Variants in MARCHF10 observed in about 807,000 individuals in gnomAD.
MARCHF10 encodes the protein membrane associated ring-CH-type finger 10.
In MARCHF10, 64 loss-of-function variants were observed where a neutral mutation model predicts 76.2. The observed-to-expected ratio is 0.84, with a 90% confidence interval of 0.69 to 1.03. The LOEUF is 1.03. Ranked by LOEUF, MARCHF10 falls within the 50% of genes least tolerant of loss-of-function variation. MARCHF10 has a pLI of 0.00. For synonymous variants in MARCHF10, 340 were observed against 357.5 expected (o/e 0.95, Z 0.55); for missense variants, 875 against 958.0 (o/e 0.91, Z 1.14).
At position 62,738,060 on chromosome 17, in the gene MARCHF10, T is replaced by TCTCACACACACACACA. The variant is rs371710783; in HGVS notation, c.536-729_536-728insTGTGTGTGTGTGTGAG. ...AACTGTCTCTCTCTGTCTCTCTCTG[T>TCTCACACACACACACA]CACACACACACACACACACACACAC... On this transcript the variant is annotated intron_variant, in intron 5 of 10. Coordinates refer to ENST00000311269, the MANE Select transcript of MARCHF10 (RefSeq NM_152598.4). The surrounding 1 kb of genome is among the most constrained non-coding windows in gnomAD (Gnocchi z 4.0). The TCTCACACACACACACA allele has an allele frequency of 2.4e-5, 3 of 127,312 alleles. No individual in the cohort carries two copies. Among genetic ancestry groups the TCTCACACACACACACA allele is most frequent in the African/African-American group, 9.4e-5 (3 of 31,910 alleles). 7.9% of individuals were successfully genotyped at this position (127,312 alleles called of 1,614,324 possible). A position where few individuals can be genotyped will look rare whatever the true frequency, so the allele number is the denominator to read the frequency against.
chr17:62,732,434 A>G (rs1476521605), intron 6 of MARCHF10, among the ~76,000 whole-genome samples: 4 of 152,238 alleles, frequency 2.6e-5, no homozygotes, highest in African/African-American at 4.8e-5. Flanking sequence ...GGGCCTGTTG[A>G]GGCATGTTCC....
At chr17:62,804,536 G>T (rs2093132440) in intron 1 of MARCHF10, among the ~76,000 whole-genome samples, 1 of 152,176 alleles carries the variant, frequency 6.6e-6, no homozygotes, top group Non-Finnish European at 1.5e-5. Flanking sequence ...CAAAAAGGAG[G>T]CTATTAATAA....
intron 9 of MARCHF10, chr17:62,707,741 A>G (rs147310452): frequency 4.7e-4 from 71 of 152,354 alleles, no homozygotes; most frequent in African/African-American, 1.6e-3. Flanking sequence ...TCTTGGTTAC[A>G]TGTGTGTTCT....
intron 3 of MARCHF10, among the ~76,000 whole-genome samples, chr17:62,777,730 A>AAAG (rs1328053518): frequency 2.7e-5 from 4 of 149,408 alleles, no homozygotes; most frequent in African/African-American, 5.0e-5. Flanking sequence ...AAAAAAAAGA[A>AAAG]AAAAAAAAAG....
At chr17:62,732,074 T>C (rs148968306) in intron 6 of MARCHF10, among the ~76,000 whole-genome samples, 96 of 152,140 alleles carry the variant, frequency 6.3e-4, no homozygotes, top group Middle Eastern at 3.4e-3. Flanking sequence ...AACCAAGGGA[T>C]AAATTAAATA....
At chr17:62,714,396 T>C in intron 8 of MARCHF10, 1 of 985,282 alleles carries the variant, frequency 1.0e-6, no homozygotes, top group Non-Finnish European at 1.2e-6. Flanking sequence ...GATAGTAAAG[T>C]GAGCTAATAT....
At chr17:62,746,426 G>A (rs1460136353) in intron 4 of MARCHF10, among the ~76,000 whole-genome samples, 1 of 150,978 alleles carries the variant, frequency 6.6e-6, no homozygotes, top group Non-Finnish European at 1.5e-5. Flanking sequence ...GATCAAAAAG[G>A]GGGTGAGAGG....
intron 8 of MARCHF10, among the ~76,000 whole-genome samples, chr17:62,715,790 GA>G (rs1327032828): frequency 1.3e-5 from 2 of 152,184 alleles, no homozygotes; most frequent in Non-Finnish European, 2.9e-5. Context: ...AACAGACCTT[GA>G]CCTTGGGCCT....
chr17:62,793,766 C>T (rs1456325585), intron 2 of MARCHF10, among the ~76,000 whole-genome samples: 3 of 151,290 alleles, frequency 2.0e-5, no homozygotes, highest in Non-Finnish European at 3.0e-5. Context: ...CCATCACCAC[C>T]ACCACCTCCA....
intron 3 of MARCHF10, among the ~76,000 whole-genome samples, chr17:62,776,084 AC>A (rs2092550009): frequency 1.3e-5 from 2 of 152,264 alleles, no homozygotes; most frequent in African/African-American, 4.8e-5. Flanking sequence ...GGCATGAGTC[AC>A]TGCGCTGGCC....
rs553212183 is a variant in MARCHF10 at position 62,796,081 on chromosome 17, C to T, written c.90+5565G>A. 8.0e-4 allele frequency among the ~76,000 whole-genome samples: 121 copies of T among 151,908 alleles called. 1 individual carries two copies. The highest frequency in any genetic ancestry group is 1.2e-3 in the Non-Finnish European group (79 of 67,962). Reference sequence around the variant, plus strand: ...GTGCAGTGGCGTCATCTCGGCTCACCGCAACCTCCGCCTCCTGAGTTCAAG... The same window carrying T: ...GTGCAGTGGCGTCATCTCGGCTCACTGCAACCTCCGCCTCCTGAGTTCAAG... On this transcript the variant is annotated intron_variant, in intron 2 of 10. Transcript: ENST00000311269.
At chr17:62,782,644 C>G (rs116581752) in intron 3 of MARCHF10, among the ~76,000 whole-genome samples, 466 of 151,882 alleles carry the variant, frequency 3.1e-3, no homozygotes, top group African/African-American at 0.011. Context: ...CGCGCCTGGC[C>G]AAACGACTGT....
intron 3 of MARCHF10, among the ~76,000 whole-genome samples, chr17:62,767,604 C>T (rs1232105325): frequency 6.6e-6 from 1 of 152,002 alleles, no homozygotes; most frequent in African/African-American, 2.4e-5. Flanking sequence ...GCATGCACCA[C>T]CACGTCTGGC....
intron 3 of MARCHF10, among the ~76,000 whole-genome samples, chr17:62,770,637 T>C: frequency 6.6e-6 from 1 of 150,814 alleles, no homozygotes; most frequent in East Asian, 2.0e-4. Context: ...GCCTGCTGGA[T>C]TCAAACTGTT....
intron 4 of MARCHF10, among the ~76,000 whole-genome samples, chr17:62,750,792 T>TC (rs762066445): frequency 3.3e-5 from 5 of 152,138 alleles, no homozygotes; most frequent in Non-Finnish European, 7.4e-5. Flanking sequence ...GAAGTTCTTT[T>TC]CCCCGTAAGA....
At chr17:62,768,275 T>C (rs545698021) in intron 3 of MARCHF10, among the ~76,000 whole-genome samples, 41 of 152,142 alleles carry the variant, frequency 2.7e-4, no homozygotes, top group Non-Finnish European at 4.6e-4. Flanking sequence ...TCCCAGTACT[T>C]TGGGAAGCGG....
intron 10 of MARCHF10, among the ~76,000 whole-genome samples, chr17:62,702,024 G>C (rs1038211572): frequency 6.6e-6 from 1 of 152,184 alleles, no homozygotes; most frequent in Non-Finnish European, 1.5e-5. Flanking sequence ...ACATAGCCTG[G>C]TGCAGAACTT....
intron 6 of MARCHF10, among the ~76,000 whole-genome samples, chr17:62,733,785 T>C (rs2091138542): frequency 6.6e-6 from 1 of 152,212 alleles, no homozygotes; most frequent in East Asian, 1.9e-4. Flanking sequence ...TAAGGATGCA[T>C]CTCACTAAGG....
chr17:62,705,420 T>C, intron 10 of MARCHF10, 119 bp downstream of exon 10: 1 of 1,585,364 alleles, frequency 6.3e-7, no homozygotes, highest in Non-Finnish European at 8.6e-7. Context: ...TGCGGGGTTA[T>C]TTTTGCCTCT....
Sources: gnomAD v4.1 joint callset for allele counts (sites outside exome capture counted in the v4.1 genomes callset) on GRCh38, gnomAD v4.1.1 for gene constraint, Gnocchi (gnomAD v3.1) non-coding constraint, MANE v1.5 for transcripts, NCBI Gene and HGNC (gene_info 2026-07-23, HGNC 2026-07-21) for gene names.